Variants in DNAH6 observed in about 807,000 individuals in gnomAD.
The protein encoded by DNAH6 is dynein axonemal heavy chain 6.
A neutral mutation model predicts 491.4 loss-of-function variants in DNAH6; 340 were observed. The observed-to-expected ratio is 0.69, with a 90% CI of 0.63 to 0.76. DNAH6 has a LOEUF of 0.76. Ranked by LOEUF, DNAH6 falls within the 30% of genes least tolerant of loss-of-function variation. The pLI is 0.00. For missense variants in DNAH6, 4,443 were observed against 4,972.2 expected (o/e 0.89, Z 3.20); for synonymous variants, 1,603 against 1,686.1 (o/e 0.95, Z 1.21).
At chr2:84,638,700 C>T (rs987519387) in intron 31 of DNAH6, among the ~76,000 whole-genome samples, 2 of 152,148 alleles carry the variant, frequency 1.3e-5, no homozygotes, top group African/African-American at 4.8e-5. Flanking sequence ...GTCTTTCTTG[C>T]ATTGCCATAA....
chr2:84,703,533 T>A lies in DNAH6; in HGVS notation c.8200T>A (p.Leu2734Met). 1 of 1,551,194 alleles carries A rather than the reference T, an allele frequency of 6.4e-7. No individual in the cohort carries two copies. The highest frequency in any genetic ancestry group is 8.7e-7 in the Non-Finnish European group (1 of 1,146,680). The change falls in exon 50 of 77, where the codon TTG becomes ATG. Residue 2734 changes from leucine to methionine, a missense_variant. Physicochemically the swap from Leu to Met is conservative, Grantham distance 15. Transcript: ENST00000389394. The stretch of plus-strand genomic sequence containing the variant: ...AGATGTTGAAGCCCTGATGGAAAAA[T>A]TGGCAGTGGATCAAGAAAGTGCCGA... ...SEDVEALMEK[L>M]AVDQESADQV...
At chr2:84,802,203 C>T (rs1343967007) in intron 70 of DNAH6, among the ~76,000 whole-genome samples, 1 of 152,184 alleles carries the variant, frequency 6.6e-6, no homozygotes, top group Non-Finnish European at 1.5e-5. Flanking sequence ...CAACACCTCA[C>T]ATATCAATAT....
At chr2:84,611,492 G>A (rs942857559) in intron 21 of DNAH6, among the ~76,000 whole-genome samples, 182 bp from the exon 22 acceptor site, 1 of 152,076 alleles carries the variant, frequency 6.6e-6, no homozygotes, top group Non-Finnish European at 1.5e-5. Context: ...ACAGTGGGAT[G>A]AAATCAGACT....
the DNAH6 span, among the ~76,000 whole-genome samples, chr2:84,504,973 A>C: frequency 6.6e-6 from 1 of 152,170 alleles, no homozygotes; most frequent in African/African-American, 2.4e-5. Context: ...AATAATAGTA[A>C]GTTTTCAGAT....
At chr2:84,693,425 TAG>T (rs1388876702) in intron 45 of DNAH6, among the ~76,000 whole-genome samples, 1 of 152,130 alleles carries the variant, frequency 6.6e-6, no homozygotes, top group Non-Finnish European at 1.5e-5. Context: ...GCTCTCTCTC[TAG>T]TATCATCATT....
intron 64 of DNAH6, among the ~76,000 whole-genome samples, chr2:84,765,732 C>T (rs1675016328): frequency 6.6e-6 from 1 of 151,818 alleles, no homozygotes; most frequent in South Asian, 2.1e-4. Flanking sequence ...ATGCAAATAC[C>T]TAAATAGGTA....
chr2:84,518,003 T>C lies in DNAH6; in HGVS notation c.177T>C (p.Ala59=). ...QILTFRHITK[A]QEKTRKRQQP... ...TAACGTTTAGGCACATTACAAAAGC[T>C]CAGGAGAAGACAAGAAAACGACAGC... The change falls in exon 2 of 77, where the codon GCT becomes GCC. Residue 59 remains alanine (A), a synonymous_variant. Transcript: ENST00000389394. 6.4e-7 allele frequency: 1 copy of C among 1,550,824 alleles called. No homozygotes were observed. The highest frequency in any genetic ancestry group is 8.7e-7 in the Non-Finnish European group (1 of 1,146,604).
chr2:84,742,647 C>G (rs1672634511), intron 62 of DNAH6, among the ~76,000 whole-genome samples: 1 of 152,066 alleles, frequency 6.6e-6, no homozygotes, highest in African/African-American at 2.4e-5. Flanking sequence ...ATTTTTCTGC[C>G]AGCTTTTTCT....
At chr2:84,659,470 G>C (rs1691277663) in intron 37 of DNAH6, among the ~76,000 whole-genome samples, 1 of 152,112 alleles carries the variant, frequency 6.6e-6, no homozygotes, top group Non-Finnish European at 1.5e-5. Context: ...CAGTGTGATT[G>C]GTTAGCTATC....
At chr2:84,640,953 C>A (rs1689333096) in intron 32 of DNAH6, among the ~76,000 whole-genome samples, 1 of 152,174 alleles carries the variant, frequency 6.6e-6, no homozygotes, top group Non-Finnish European at 1.5e-5. Context: ...TGCAACAAAG[C>A]CAGTCATACT....
rs143747599 is a variant in DNAH6 at position 84,573,547 on chromosome 2, T to C, written c.1884T>C (p.Asn628=). The C allele has an allele frequency of 1.9e-6, 3 of 1,590,010 alleles. No homozygotes were observed. The highest frequency in any genetic ancestry group is 2.6e-6 in the Non-Finnish European group (3 of 1,173,340). Residue 628 remains asparagine, a synonymous_variant, in exon 12 of 77, where the codon AAT becomes AAC. Transcript: ENST00000389394. ...AGTTCCAGATATTCTTCAAGGAAAATGAAAGTCTTGATTTACAAGCTCTTA... is the reference window on the plus strand; with the variant it reads ...AGTTCCAGATATTCTTCAAGGAAAACGAAAGTCTTGATTTACAAGCTCTTA... ...FEKFQIFFKE[N]ESLDLQALKL...
chr2:84,750,243 G>A (rs1413272439), intron 63 of DNAH6, among the ~76,000 whole-genome samples: 3 of 148,384 alleles, frequency 2.0e-5, no homozygotes, highest in Admixed American at 1.3e-4. Context: ...CTGGGTGGGA[G>A]TGCAGTGGCA....
intron 16 of DNAH6, among the ~76,000 whole-genome samples, chr2:84,590,410 A>T (rs1573129205): frequency 6.8e-6 from 1 of 148,050 alleles, no homozygotes; most frequent in African/African-American, 2.5e-5. Flanking sequence ...CAGGAGAATC[A>T]CTTGATCCCA....
intron 16 of DNAH6, among the ~76,000 whole-genome samples, chr2:84,589,386 C>G (rs976072882): frequency 2.6e-5 from 4 of 152,076 alleles, no homozygotes; most frequent in African/African-American, 9.7e-5. Flanking sequence ...AATGACATCC[C>G]CAGCTAAGCC....
chr2:84,650,299 A>C (rs1690322846), intron 33 of DNAH6, among the ~76,000 whole-genome samples: 1 of 152,046 alleles, frequency 6.6e-6, no homozygotes, highest in South Asian at 2.1e-4. Context: ...CTTTTGTTAT[A>C]TTTCCACAGG....
chr2:84,818,179 A>G (rs967354013), intron 76 of DNAH6, among the ~76,000 whole-genome samples: 5 of 152,216 alleles, frequency 3.3e-5, no homozygotes, highest in African/African-American at 1.2e-4. Flanking sequence ...CCTATGTAGT[A>G]GTCATCAATG....
chr2:84,532,953 T>C (rs1482481844), intron 4 of DNAH6, among the ~76,000 whole-genome samples: 3 of 152,178 alleles, frequency 2.0e-5, no homozygotes, highest in Non-Finnish European at 4.4e-5. Context: ...TAATCACAAA[T>C]GTGCAATGCA....
At chr2:84,641,084 A>G (rs1558838901) in intron 32 of DNAH6, among the ~76,000 whole-genome samples, 1 of 151,472 alleles carries the variant, frequency 6.6e-6, no homozygotes, top group South Asian at 2.1e-4. Flanking sequence ...TCTTTCTAGT[A>G]TCTAGTAAAG....
intron 33 of DNAH6, among the ~76,000 whole-genome samples, chr2:84,648,720 C>T (rs897763721): frequency 3.3e-5 from 5 of 152,166 alleles, no homozygotes; most frequent in Non-Finnish European, 5.9e-5. Flanking sequence ...TATGGATTAG[C>T]AAAGAAAGTA....
Sources: allele counts gnomAD v4.1 joint callset (sites outside exome capture counted in the v4.1 genomes callset), GRCh38; gene constraint gnomAD v4.1.1; transcripts MANE v1.5; gene names NCBI Gene and HGNC (gene_info 2026-07-23, HGNC 2026-07-21).